Variants in CMIP observed in about 807,000 individuals in gnomAD.
The protein encoded by CMIP is C-Maf-inducing protein.
CMIP carries 13 observed loss-of-function variants against 97.3 expected under a neutral mutation model. That is an observed-to-expected ratio of 0.13 (90% CI 0.09 to 0.21). The LOEUF (loss-of-function observed/expected upper bound fraction) is 0.21, where lower values mean the gene tolerates loss of function less well. Ranked by LOEUF, CMIP falls within the 10% of genes least tolerant of loss-of-function variation. The pLI is 1.00. For missense variants in CMIP, 847 were observed against 1,024.9 expected, an observed-to-expected ratio of 0.83 and a Z score of 2.37; for synonymous variants, 538 against 436.3, an observed-to-expected ratio of 1.23 and a Z score of -2.91.
At chr16:81,553,461 G>A (rs1159580021) in intron 1 of CMIP, among the ~76,000 whole-genome samples, 1 of 152,234 alleles carries the variant, frequency 6.6e-6, no homozygotes, top group South Asian at 2.1e-4. Flanking sequence ...GGGCCAGAAA[G>A]GGTGATTGTT....
At chr16:81,707,879 C>T (rs759061155) in intron 20 of CMIP, among the ~76,000 whole-genome samples, 3 of 152,318 alleles carry the variant, frequency 2.0e-5, no homozygotes, top group South Asian at 2.1e-4. Flanking sequence ...AGATGGCACC[C>T]GTGAGCCACG....
intron 1 of CMIP, among the ~76,000 whole-genome samples, chr16:81,603,823 G>A (rs540331685): frequency 2.8e-4 from 43 of 152,312 alleles, no homozygotes; most frequent in African/African-American, 9.9e-4. Flanking sequence ...GCAAAGATTG[G>A]TCTTTCTCAA....
At chr16:81,500,135 C>T (rs1597479403) in intron 1 of CMIP, among the ~76,000 whole-genome samples, 1 of 152,192 alleles carries the variant, frequency 6.6e-6, no homozygotes, top group South Asian at 2.1e-4. Context: ...CAGCCTCTGG[C>T]GACTTTTAGA....
At chr16:81,548,976 G>A (rs2090602703) in intron 1 of CMIP, among the ~76,000 whole-genome samples, 1 of 152,204 alleles carries the variant, frequency 6.6e-6, no homozygotes, top group Non-Finnish European at 1.5e-5. Flanking sequence ...GATTGACTTG[G>A]CACCACAGCT....
intron 1 of CMIP, among the ~76,000 whole-genome samples, chr16:81,606,244 C>T (rs550617569): frequency 5.9e-5 from 9 of 152,194 alleles, no homozygotes; most frequent in Non-Finnish European, 1.0e-4. Flanking sequence ...ATCACGTGAC[C>T]TCCTGAGCCT....
intron 1 of CMIP, among the ~76,000 whole-genome samples, chr16:81,592,883 A>G (rs934903081): frequency 2.0e-5 from 3 of 152,328 alleles, no homozygotes; most frequent in South Asian, 2.1e-4. Context: ...TTCCAAATGC[A>G]TGTGACTTGG....
intron 1 of CMIP, among the ~76,000 whole-genome samples, chr16:81,486,496 G>T (rs1021695543): frequency 3.9e-5 from 6 of 152,186 alleles, no homozygotes; most frequent in Non-Finnish European, 8.8e-5. Context: ...GTCCTCGCTG[G>T]AGTTCATTCA....
In CMIP at chr16:81,512,412, T is replaced by G. The variant is rs911221725; in HGVS notation, c.300+66871T>G. 3.3e-5 allele frequency among the ~76,000 whole-genome samples: 5 copies of G among 152,218 alleles called. No individual in the cohort carries two copies. In the East Asian group the frequency reaches 9.6e-4, roughly 29 times the overall value. On this transcript the variant is annotated intron_variant, in intron 1 of 20. Transcript: ENST00000537098. ...TGTTCCAGTGGGCACCAGCAATCAC[T>G]GCTCAGGTGCATTATTTCATTAGAG...
rs150556503 is a variant in CMIP at position 81,657,017 on chromosome 16, A to G, written c.640-758A>G. ...TTGCATTCTCAGACTAGGTTGCTCA[A>G]CTGGTTAAGTATAATGCAGATATTC... On this transcript the variant is annotated intron_variant, in intron 4 of 20. Coordinates refer to ENST00000537098, the MANE Select transcript of CMIP (RefSeq NM_198390.3). 8.6e-3 allele frequency among the ~76,000 whole-genome samples: 1,314 copies of G among 151,964 alleles called. 9 individuals are homozygous for G. Among genetic ancestry groups the G allele is most frequent in the Non-Finnish European group, 0.014 (924 of 67,986 alleles).
At chr16:81,465,359 G>A (rs149344162) in intron 1 of CMIP, among the ~76,000 whole-genome samples, 192 of 152,316 alleles carry the variant, frequency 1.3e-3, no homozygotes, top group Middle Eastern at 3.4e-3. Flanking sequence ...CTGCTGTGGA[G>A]GGAGGGGATG....
At chr16:81,581,245 A>G (rs1567592259) in intron 1 of CMIP, among the ~76,000 whole-genome samples, 1 of 152,124 alleles carries the variant, frequency 6.6e-6, no homozygotes, top group Non-Finnish European at 1.5e-5. Context: ...GCATTCTTGT[A>G]CAAGTGTAGT....
chr16:81,567,158 G>A (rs1280677014), intron 1 of CMIP, among the ~76,000 whole-genome samples: 1 of 152,232 alleles, frequency 6.6e-6, no homozygotes, highest in African/African-American at 2.4e-5. Context: ...CTGGGTCTTC[G>A]GAGCCATGTG....
chr16:81,580,933 A>G (rs1266201943), intron 1 of CMIP, among the ~76,000 whole-genome samples: 1 of 149,628 alleles, frequency 6.7e-6, no homozygotes, highest in African/African-American at 2.5e-5. Flanking sequence ...GTCATTCCCC[A>G]TTCCCCTCTC....
intron 14 of CMIP, chr16:81,696,892 T>C (rs1906791642): frequency 1.7e-6 from 1 of 582,732 alleles, no homozygotes; most frequent in East Asian, 2.9e-5. Context: ...GCTTTCCCAG[T>C]TGCACTCAGC....
chr16:81,532,802 A>C (rs1039634392), intron 1 of CMIP, among the ~76,000 whole-genome samples: 1 of 152,116 alleles, frequency 6.6e-6, no homozygotes, highest in Non-Finnish European at 1.5e-5. Context: ...CTGATCTCTC[A>C]ATGATTAACT....
chr16:81,576,726 A>G (rs1447013716), intron 1 of CMIP, among the ~76,000 whole-genome samples: 1 of 152,138 alleles, frequency 6.6e-6, no homozygotes, highest in African/African-American at 2.4e-5. Flanking sequence ...GCTGAAGAAC[A>G]CAGGGTCTAG....
intron 1 of CMIP, among the ~76,000 whole-genome samples, chr16:81,457,236 C>A (rs920849453): frequency 6.6e-6 from 1 of 152,068 alleles, no homozygotes; most frequent in African/African-American, 2.4e-5. Flanking sequence ...GGGCTTGCTC[C>A]CCTGTGGCGC....
chr16:81,701,838 G>T, intron 16 of CMIP, 38 bp downstream of exon 16: 1 of 1,611,312 alleles, frequency 6.2e-7, no homozygotes. Context: ...CCCCTGCCCA[G>T]CAGGCCAGGG....
chr16:81,497,282 C>T (rs1424557266), intron 1 of CMIP, among the ~76,000 whole-genome samples: 1 of 152,172 alleles, frequency 6.6e-6, no homozygotes, highest in Non-Finnish European at 1.5e-5. Context: ...ACCTGTCCTC[C>T]GAGATGTGTT....
Sources: gnomAD v4.1 joint callset for allele counts (sites outside exome capture counted in the v4.1 genomes callset) on GRCh38, gnomAD v4.1.1 for gene constraint, MANE v1.5 for transcripts, NCBI Gene and HGNC (gene_info 2026-07-23, HGNC 2026-07-21) for gene names.